The following NFATC3 variants were observed in gnomAD, a reference collection of about 807,000 sequenced individuals.
NFATC3 encodes the protein nuclear factor of activated T cells 3.
NFATC3 carries 46 observed loss-of-function variants against 98.6 expected under a neutral mutation model. The ratio of observed to expected loss-of-function variants is 0.47; its 90% CI spans 0.37 to 0.60. NFATC3 has a LOEUF of 0.60. Ranked by LOEUF, NFATC3 falls within the 20% of genes least tolerant of loss-of-function variation. The pLI is 0.00. For synonymous variants in NFATC3, 512 were observed against 472.2 expected (o/e 1.08, Z -1.09); for missense variants, 1,256 against 1,295.5 (o/e 0.97, Z 0.47).
intron 3 of NFATC3, among the ~76,000 whole-genome samples, chr16:68,157,218 CCTT>C (rs2038666015): frequency 1.3e-5 from 2 of 151,752 alleles, no homozygotes; most frequent in Middle Eastern, 6.8e-3. Context: ...GTCTCTCTCT[CCTT>C]CTCCTTCTCT....
intron 1 of NFATC3, 88 bp from the exon 2 acceptor site, chr16:68,121,898 AT>A: frequency 7.1e-7 from 1 of 1,411,644 alleles, no homozygotes; most frequent in South Asian, 1.4e-5. Flanking sequence ...GATTGTTATT[AT>A]TTACTTTCTC....
intron 3 of NFATC3, among the ~76,000 whole-genome samples, chr16:68,149,951 G>A (rs2038228703): frequency 1.3e-5 from 2 of 152,146 alleles, no homozygotes; most frequent in African/African-American, 4.8e-5. Flanking sequence ...TATTTAATAA[G>A]ATTGAGCATT....
chr16:68,145,631 A>C (rs1213473562), intron 3 of NFATC3, among the ~76,000 whole-genome samples: 1 of 152,162 alleles, frequency 6.6e-6, no homozygotes, highest in Non-Finnish European at 1.5e-5. Flanking sequence ...ATATGATTCT[A>C]TTTATGTAAT....
intron 1 of NFATC3, among the ~76,000 whole-genome samples, chr16:68,112,784 G>A (rs939626088): frequency 2.0e-5 from 3 of 148,018 alleles, no homozygotes; most frequent in Non-Finnish European, 3.0e-5. Flanking sequence ...TCAGCCTCCC[G>A]ACATTTTTTT....
intron 8 of NFATC3, among the ~76,000 whole-genome samples, chr16:68,188,036 C>T (rs1000122705): frequency 2.0e-5 from 3 of 152,182 alleles, no homozygotes; most frequent in Admixed American, 2.0e-4. Flanking sequence ...CCATGCTCAT[C>T]AGTGCCCAAA....
At chr16:68,178,967 C>T (rs2039835766) in intron 6 of NFATC3, among the ~76,000 whole-genome samples, 1 of 152,146 alleles carries the variant, frequency 6.6e-6, no homozygotes, top group Non-Finnish European at 1.5e-5. Context: ...GCATTCAGGC[C>T]ATAATCTGCT....
At chr16:68,186,157 T>C (rs1050186668) in intron 8 of NFATC3, among the ~76,000 whole-genome samples, 1 of 151,986 alleles carries the variant, frequency 6.6e-6, no homozygotes, top group African/African-American at 2.4e-5. Context: ...GCTTTTTTCA[T>C]TTTTTTCTAA....
chr16:68,112,998 C>T (rs1411911150), intron 1 of NFATC3, among the ~76,000 whole-genome samples: 1 of 152,124 alleles, frequency 6.6e-6, no homozygotes, highest in African/African-American at 2.4e-5. Flanking sequence ...AATGTTTTAT[C>T]ATGGTTTTTC....
chr16:68,207,818 C>T (rs1030061113), intron 9 of NFATC3, among the ~76,000 whole-genome samples: 1 of 152,070 alleles, frequency 6.6e-6, no homozygotes, highest in Non-Finnish European at 1.5e-5. Context: ...GCAGCCACAC[C>T]ATTTTACATT....
chr16:68,185,885 G>T (rs1459059657), intron 8 of NFATC3, among the ~76,000 whole-genome samples: 1 of 132,488 alleles, frequency 7.5e-6, no homozygotes, highest in Non-Finnish European at 1.6e-5. Flanking sequence ...AAAAAAAAAA[G>T]GCAAACCAGG....
At chr16:68,103,981 G>A (rs1302089335) in intron 1 of NFATC3, among the ~76,000 whole-genome samples, 5 of 152,006 alleles carry the variant, frequency 3.3e-5, no homozygotes, top group Admixed American at 6.5e-5. Context: ...ATCCTACTTT[G>A]TTTTCTTTTT....
At chr16:68,117,441 C>T (rs762486344) in intron 1 of NFATC3, among the ~76,000 whole-genome samples, 1 of 152,170 alleles carries the variant, frequency 6.6e-6, no homozygotes, top group Non-Finnish European at 1.5e-5. Flanking sequence ...CCTGAGCACC[C>T]CTAGCTCTCA....
At chr16:68,178,034 T>A (rs1031004761) in intron 6 of NFATC3, among the ~76,000 whole-genome samples, 2 of 152,172 alleles carry the variant, frequency 1.3e-5, no homozygotes, top group African/African-American at 4.8e-5. Flanking sequence ...TGTTTTTTTA[T>A]ACGAATTTTT....
chr16:68,121,956 GGT>G (rs1491562875), intron 1 of NFATC3, 29 bp from the exon 2 acceptor site: 45 of 1,479,114 alleles, frequency 3.0e-5, no homozygotes, highest in Non-Finnish European at 4.0e-5. Context: ...TGTTTTGTTG[GGT>G]TTTTTTTTTT....
chr16:68,131,838 T>G (rs1229750093), intron 3 of NFATC3, among the ~76,000 whole-genome samples: 1 of 152,116 alleles, frequency 6.6e-6, no homozygotes, highest in Non-Finnish European at 1.5e-5. Flanking sequence ...GAATAACTGA[T>G]GCCTTTCTCT....
intron 3 of NFATC3, among the ~76,000 whole-genome samples, chr16:68,146,805 C>A (rs1399227966): frequency 6.6e-6 from 1 of 152,212 alleles, no homozygotes. Context: ...ACATAACAAA[C>A]AACTTGGCTT....
At position 68,122,288 on chromosome 16, in the gene NFATC3, C is replaced by T. The variant is rs1315949632; in HGVS notation, c.405C>T (p.Asp135=). The change falls in exon 2 of 10, where the codon GAC becomes GAT. Residue 135 remains aspartate (D), a synonymous_variant. Transcript: ENST00000346183. ...DAHEDDLQIN[D]PEREFLERPS... is the part of the protein sequence containing the mutation. ...ATGAAGATGACCTACAGATAAATGA[C>T]CCAGAACGGGAATTTTTGGAAAGGC... 5 of 1,614,102 alleles carry T rather than the reference C, an allele frequency of 3.1e-6. No homozygotes were observed. The highest frequency in any genetic ancestry group is 2.2e-5 in the East Asian group (1 of 44,886).
At chr16:68,126,745 G>A in intron 3 of NFATC3, 135 bp downstream of exon 3, 1 of 747,386 alleles carries the variant, frequency 1.3e-6, no homozygotes, top group South Asian at 2.6e-5. Flanking sequence ...TTGGGGGCTT[G>A]TTGATGTGAC....
At chr16:68,164,959 A>T (rs1296825778) in intron 4 of NFATC3, among the ~76,000 whole-genome samples, 1 of 152,234 alleles carries the variant, frequency 6.6e-6, no homozygotes, top group African/African-American at 2.4e-5. Flanking sequence ...ACCGCTACAT[A>T]AGAGTTTTTT....
Sources: allele counts gnomAD v4.1 joint callset (sites outside exome capture counted in the v4.1 genomes callset), GRCh38; gene constraint gnomAD v4.1.1; transcripts MANE v1.5; gene names NCBI Gene and HGNC (gene_info 2026-07-23, HGNC 2026-07-21).